Variants in ASIC2 observed in about 807,000 individuals in gnomAD.
The protein encoded by ASIC2 is acid-sensing ion channel 2.
A neutral mutation model predicts 57.3 loss-of-function variants in ASIC2; 25 were observed. The observed-to-expected ratio is 0.44, with a 90% CI of 0.32 to 0.61. ASIC2 has a LOEUF of 0.61. Among genes scored for constraint, ASIC2 ranks in the 20% least tolerant of loss-of-function variants. The pLI, the probability that ASIC2 is intolerant of heterozygous loss-of-function variation, is 0.06. For synonymous variants in ASIC2, 319 were observed against 307.5 expected (o/e 1.04, Z -0.39); for missense variants, 641 against 738.1 (o/e 0.87, Z 1.52).
At chr17:33,750,439 A>C (rs1218276576) in intron 1 of ASIC2, among the ~76,000 whole-genome samples, 1 of 152,160 alleles carries the variant, frequency 6.6e-6, no homozygotes, top group African/African-American at 2.4e-5. Context: ...TGCACTCAGG[A>C]GGCCCTGGAG....
At position 33,292,669 on chromosome 17, in the gene ASIC2, C is replaced by T. The variant is rs7215389; in HGVS notation, c.-554G>A. 2.4e-3 allele frequency: 2,373 copies of T among 985,656 alleles called. 42 individuals carry two copies. The African/African-American group carries it at 0.039, about 16-fold the overall frequency. The allele number at this position is 985,656 out of a possible 1,614,324, so 61.1% of individuals were successfully genotyped here. A position where few individuals can be genotyped will look rare whatever the true frequency, so the allele number is the denominator to read the frequency against. On this transcript the variant is annotated 5_prime_UTR_variant, in exon 1 of 10. Transcript: ENST00000225823. ...ACACGGGAGAGAAGGCGCCAAGGAA[C>T]GAGCGCCCCCAGAGGCGCACCGCGG... is the stretch of plus-strand genomic sequence containing the variant.
At chr17:33,937,725 A>G (rs888275583) in intron 1 of ASIC2, among the ~76,000 whole-genome samples, 7 of 152,210 alleles carry the variant, frequency 4.6e-5, no homozygotes, top group Non-Finnish European at 1.0e-4. Context: ...GTATTCATGA[A>G]GTTTCCAAAT....
intron 1 of ASIC2, among the ~76,000 whole-genome samples, chr17:33,748,722 C>T (rs191006120): frequency 1.5e-4 from 23 of 152,330 alleles, no homozygotes; most frequent in Admixed American, 1.0e-3. Flanking sequence ...AGCTGCCTTA[C>T]GGCTCTAGAA....
chr17:33,830,678 C>T lies in ASIC2; in HGVS notation c.555+325300G>A, dbSNP rs543195665. 5.9e-5 allele frequency among the ~76,000 whole-genome samples: 9 copies of T among 152,180 alleles called. No individual in the cohort carries two copies. The South Asian group carries it at 1.0e-3, about 18-fold the overall frequency. On this transcript the variant is annotated intron_variant, in intron 1 of 9. Coordinates refer to the ASIC2 transcript ENST00000359872. Reference sequence around the variant, plus strand: ...TGTCATCTAGATTTTAAGCCACACACGCATTAGGTATTCATCCTAATGCTC... The same window carrying T: ...TGTCATCTAGATTTTAAGCCACACATGCATTAGGTATTCATCCTAATGCTC...
intron 1 of ASIC2, among the ~76,000 whole-genome samples, chr17:33,420,021 G>A (rs1220986807): frequency 6.6e-6 from 1 of 152,156 alleles, no homozygotes. Flanking sequence ...TGGTGATGAG[G>A]GAATAAGGAA....
intron 1 of ASIC2, among the ~76,000 whole-genome samples, chr17:33,516,703 TTATC>T (rs924535038): frequency 1.9e-4 from 29 of 152,254 alleles, no homozygotes; most frequent in African/African-American, 7.0e-4. Flanking sequence ...GGATTTGGCT[TTATC>T]TATTTTGTCT....
intron 1 of ASIC2, among the ~76,000 whole-genome samples, chr17:34,043,329 A>G (rs897047650): frequency 1.3e-5 from 2 of 152,184 alleles, no homozygotes; most frequent in Non-Finnish European, 2.9e-5. Flanking sequence ...AGGTTATTAC[A>G]TGGTATGTGA....
At chr17:33,924,622 C>T (rs1193978620) in intron 1 of ASIC2, among the ~76,000 whole-genome samples, 6 of 152,138 alleles carry the variant, frequency 3.9e-5, no homozygotes, top group East Asian at 1.9e-4. Context: ...ACTGTGGAGA[C>T]GCTGTCATCT....
At chr17:34,131,447 T>C (rs985053052) in intron 1 of ASIC2, among the ~76,000 whole-genome samples, 4 of 152,312 alleles carry the variant, frequency 2.6e-5, no homozygotes, top group Admixed American at 2.6e-4. Flanking sequence ...GCTCCCTTCC[T>C]TTGGCCATCA....
chr17:33,990,770 G>A (rs567405254), intron 1 of ASIC2, among the ~76,000 whole-genome samples: 74 of 152,266 alleles, frequency 4.9e-4, no homozygotes, highest in African/African-American at 1.7e-3. Flanking sequence ...GCACCAAGGA[G>A]GGAGTGATGA....
At chr17:33,956,835 C>G (rs922086245) in intron 1 of ASIC2, among the ~76,000 whole-genome samples, 3 of 152,206 alleles carry the variant, frequency 2.0e-5, no homozygotes, top group Middle Eastern at 3.2e-3. Flanking sequence ...GCTAGATGAG[C>G]CTGCTCCTTT....
At chr17:33,354,606 G>A (rs1024674207) in intron 1 of ASIC2, among the ~76,000 whole-genome samples, 1 of 151,812 alleles carries the variant, frequency 6.6e-6, no homozygotes, top group African/African-American at 2.4e-5. Context: ...TGTGCTCTGG[G>A]TTCCTTCCCA....
intron 1 of ASIC2, among the ~76,000 whole-genome samples, chr17:33,699,116 G>A (rs1908619076): frequency 6.6e-6 from 1 of 152,150 alleles, no homozygotes; most frequent in African/African-American, 2.4e-5. Context: ...AGCCAACTGA[G>A]TTTTCCTGAA....
At chr17:33,330,511 T>C (rs762046435) in intron 1 of ASIC2, among the ~76,000 whole-genome samples, 1 of 152,212 alleles carries the variant, frequency 6.6e-6, no homozygotes, top group Non-Finnish European at 1.5e-5. Context: ...TCAGTCATAT[T>C]GGCTTCATTT....
At chr17:33,927,662 A>T (rs910755210) in intron 1 of ASIC2, among the ~76,000 whole-genome samples, 1 of 152,182 alleles carries the variant, frequency 6.6e-6, no homozygotes. Flanking sequence ...GAATTAAGAC[A>T]CTATTATTTG....
At chr17:33,493,799 C>T (rs1306313055) in intron 1 of ASIC2, among the ~76,000 whole-genome samples, 3 of 152,114 alleles carry the variant, frequency 2.0e-5, no homozygotes, top group African/African-American at 4.8e-5. Context: ...GAGACACTTC[C>T]AGGCCAGCTG....
intron 1 of ASIC2, chr17:34,118,458 C>G (rs981946496): frequency 1.6e-4 from 24 of 152,104 alleles, no homozygotes; most frequent in African/African-American, 5.3e-4. Flanking sequence ...TTCCCCACAC[C>G]GACATTTCTT....
At chr17:33,947,740 G>T (rs1266987399) in intron 1 of ASIC2, among the ~76,000 whole-genome samples, 1 of 152,162 alleles carries the variant, frequency 6.6e-6, no homozygotes, top group Non-Finnish European at 1.5e-5. Context: ...AAAGCACAAA[G>T]ATAAGTTGTG....
chr17:33,312,868 G>A (rs1429272553), intron 1 of ASIC2, among the ~76,000 whole-genome samples: 2 of 152,248 alleles, frequency 1.3e-5, no homozygotes, highest in East Asian at 1.9e-4. Flanking sequence ...CCCAGGAGGC[G>A]GAGGTTGCAG....
Sources: gnomAD v4.1 joint callset for allele counts (sites outside exome capture counted in the v4.1 genomes callset) on GRCh38, gnomAD v4.1.1 for gene constraint, MANE v1.5 for transcripts, NCBI Gene and HGNC (gene_info 2026-07-23, HGNC 2026-07-21) for gene names.